BRINP2: variants seen among roughly 807,000 people sequenced by gnomAD.
The protein encoded by BRINP2 is BMP/retinoic acid inducible neural specific 2, also known as BMP/retinoic acid-inducible neural-specific protein 2.
BRINP2 carries 21 observed loss-of-function variants against 69.2 expected under a neutral mutation model. The observed-to-expected ratio is 0.30, with a 90% confidence interval of 0.22 to 0.44. The LOEUF (loss-of-function observed/expected upper bound fraction) is 0.44. BRINP2 is among the 20% of genes least tolerant of loss of function. The pLI is 1.00. For synonymous variants in BRINP2, 380 were observed against 394.1 expected (o/e 0.96, Z 0.42); for missense variants, 877 against 986.0 (o/e 0.89, Z 1.48).
chr1:177,221,865 T>C (rs548709766), intron 1 of BRINP2, among the ~76,000 whole-genome samples: 1 of 152,264 alleles, frequency 6.6e-6, no homozygotes, highest in East Asian at 1.9e-4. Flanking sequence ...AAAGGCTTCT[T>C]GGAGAAAATG....
intron 1 of BRINP2, among the ~76,000 whole-genome samples, chr1:177,222,022 A>C (rs185736994): frequency 3.3e-5 from 5 of 152,346 alleles, no homozygotes; most frequent in South Asian, 4.1e-4. Context: ...CCATCACTAC[A>C]GTCATCAGCT....
intron 7 of BRINP2, 134 bp from the exon 8 acceptor site, chr1:177,280,278 C>A: frequency 1.1e-6 from 1 of 931,666 alleles, no homozygotes; most frequent in South Asian, 1.7e-5. Context: ...GAGTTTCTGC[C>A]ACTCAGAGAT....
intron 1 of BRINP2, among the ~76,000 whole-genome samples, chr1:177,208,666 G>C (rs1649130903): frequency 6.6e-6 from 1 of 151,310 alleles, no homozygotes; most frequent in Admixed American, 6.6e-5. Context: ...TCCTTTAACT[G>C]TTATTTCCTT....
At chr1:177,183,138 T>G (rs12734088) in intron 1 of BRINP2, among the ~76,000 whole-genome samples, 2 of 102,318 alleles carry the variant, frequency 2.0e-5, no homozygotes, top group African/African-American at 7.4e-5. Context: ...GTGTGTGAGC[T>G]TTTTTTTTTT....
At chr1:177,248,191 T>C (rs890147713) in intron 2 of BRINP2, among the ~76,000 whole-genome samples, 1 of 152,196 alleles carries the variant, frequency 6.6e-6, no homozygotes, top group African/African-American at 2.4e-5. Context: ...GTATCACTTA[T>C]CCAAAAAATG....
intron 1 of BRINP2, among the ~76,000 whole-genome samples, chr1:177,219,867 T>C (rs1469089544): frequency 1.3e-5 from 2 of 152,166 alleles, no homozygotes; most frequent in African/African-American, 4.8e-5. Context: ...CCACCCTATG[T>C]ATATACAGAG....
intron 1 of BRINP2, among the ~76,000 whole-genome samples, chr1:177,217,805 T>C (rs755540785): frequency 2.6e-4 from 39 of 152,240 alleles, no homozygotes; most frequent in Admixed American, 1.6e-3. Context: ...GACTAGGCTT[T>C]GCTGTTTGGC....
At chr1:177,176,289 T>G (rs1196811762) in intron 1 of BRINP2, among the ~76,000 whole-genome samples, 3 of 152,156 alleles carry the variant, frequency 2.0e-5, no homozygotes, top group Non-Finnish European at 4.4e-5. Flanking sequence ...GCACTTGAAA[T>G]GTATGCTGTA....
chr1:177,222,005 G>C (rs1649548080), intron 1 of BRINP2, among the ~76,000 whole-genome samples: 1 of 152,240 alleles, frequency 6.6e-6, no homozygotes, highest in African/African-American at 2.4e-5. Flanking sequence ...AGGGCCCTGG[G>C]TTGAACCCAT....
chr1:177,199,310 C>G (rs1448721214), intron 1 of BRINP2, among the ~76,000 whole-genome samples: 1 of 152,102 alleles, frequency 6.6e-6, no homozygotes, highest in Admixed American at 6.6e-5. Flanking sequence ...TACACTAGAG[C>G]ACTTTTGTTT....
chr1:177,197,869 G>T (rs1014825091), intron 1 of BRINP2, among the ~76,000 whole-genome samples: 1 of 152,142 alleles, frequency 6.6e-6, no homozygotes, highest in Admixed American at 6.5e-5. Flanking sequence ...GTTAGAGAGA[G>T]TGAAGGTAGG....
In BRINP2 at chr1:177,277,082, AAATG is replaced by A. The variant is rs558931616; in HGVS notation, c.1012+654_1012+657del. Among the ~76,000 whole-genome samples the A allele has an allele frequency of 9.8e-4, 150 of 152,338 alleles. 1 individual carries two copies. The highest frequency in any genetic ancestry group is 3.6e-3 in the African/African-American group (148 of 41,588). The stretch of plus-strand genomic sequence containing the variant: ...TGGTATATTTGCACATTTCAACACT[AAATG>A]AATGATATTTATGTGGATATAGTTC... On this transcript the variant is annotated intron_variant, in intron 6 of 7. Coordinates refer to ENST00000361539, the MANE Select transcript of BRINP2 (RefSeq NM_021165.4).
chr1:177,271,340 G>T (rs1038889126), intron 4 of BRINP2, among the ~76,000 whole-genome samples: 1 of 152,204 alleles, frequency 6.6e-6, no homozygotes, highest in Non-Finnish European at 1.5e-5. Flanking sequence ...TCTGAGGAGA[G>T]AAGAGATCAC....
chr1:177,178,409 A>C (rs1648150392), intron 1 of BRINP2, among the ~76,000 whole-genome samples: 4 of 152,098 alleles, frequency 2.6e-5, no homozygotes, highest in Non-Finnish European at 5.9e-5. Flanking sequence ...CCCGCTTCTC[A>C]CAGCAGCCAC....
At chr1:177,274,336 G>C (rs767493913) in intron 5 of BRINP2, among the ~76,000 whole-genome samples, 1 of 152,150 alleles carries the variant, frequency 6.6e-6, no homozygotes, top group African/African-American at 2.4e-5. Flanking sequence ...TTTTCTCAAG[G>C]CCTAACTGAA....
chr1:177,256,884 C>A, intron 3 of BRINP2: 1 of 1,231,552 alleles, frequency 8.1e-7, no homozygotes, highest in Non-Finnish European at 1.0e-6. Context: ...ATTGTGTCTC[C>A]CCTATGAAGA....
intron 1 of BRINP2, among the ~76,000 whole-genome samples, chr1:177,184,075 G>A (rs1351556762): frequency 1.3e-5 from 2 of 152,106 alleles, no homozygotes; most frequent in Non-Finnish European, 2.9e-5. Flanking sequence ...CCGATGGTAT[G>A]CAATCTACTT....
chr1:177,184,580 C>T (rs1648371218), intron 1 of BRINP2, among the ~76,000 whole-genome samples: 1 of 152,006 alleles, frequency 6.6e-6, no homozygotes, highest in African/African-American at 2.4e-5. Context: ...GCGAAGAGGC[C>T]AAGTAGTATG....
chr1:177,246,510 A>G (rs962555821), intron 2 of BRINP2, among the ~76,000 whole-genome samples: 12 of 152,260 alleles, frequency 7.9e-5, no homozygotes, highest in African/African-American at 1.7e-4. Flanking sequence ...TGCAAAAAAC[A>G]GTTTGGATAT....
Sources: allele counts gnomAD v4.1 joint callset (sites outside exome capture counted in the v4.1 genomes callset), GRCh38; gene constraint gnomAD v4.1.1; transcripts MANE v1.5; gene names NCBI Gene and HGNC (gene_info 2026-07-23, HGNC 2026-07-21).